The following SLCO1A2 variants were observed in gnomAD, a reference collection of about 807,000 sequenced individuals.
The protein encoded by SLCO1A2 is OATP-1.
Under a neutral mutation model 69.0 loss-of-function variants are expected in SLCO1A2, and 67 were observed. The observed-to-expected ratio is 0.97, with a 90% confidence interval of 0.80 to 1.19. SLCO1A2 has a LOEUF of 1.19. Ranked by LOEUF, SLCO1A2 falls within the 50% of genes most tolerant of loss-of-function variation. SLCO1A2 has a pLI of 0.00. For missense variants in SLCO1A2, 787 were observed against 793.7 expected (o/e 0.99, Z 0.10); for synonymous variants, 260 against 265.9 (o/e 0.98, Z 0.22).
intron 2 of SLCO1A2, among the ~76,000 whole-genome samples, chr12:21,366,361 G>C (rs1007867726): frequency 2.1e-5 from 3 of 143,946 alleles, no homozygotes; most frequent in African/African-American, 7.7e-5. Flanking sequence ...AGAACACAGG[G>C]ACACAGGGTG....
chr12:21,411,064 C>A (rs549857714), intron 1 of SLCO1A2, among the ~76,000 whole-genome samples: 3 of 151,918 alleles, frequency 2.0e-5, no homozygotes, highest in Non-Finnish European at 4.4e-5. Context: ...TTTTGATAAA[C>A]AAAAATTCTT....
intron 2 of SLCO1A2, among the ~76,000 whole-genome samples, chr12:21,363,742 A>C (rs560014488): frequency 4.6e-5 from 7 of 152,220 alleles, no homozygotes; most frequent in Middle Eastern, 3.2e-3. Flanking sequence ...AGAAATACAA[A>C]CTACTATCAG....
intron 2 of SLCO1A2, among the ~76,000 whole-genome samples, chr12:21,327,120 G>A (rs1952298941): frequency 6.6e-6 from 1 of 152,096 alleles, no homozygotes; most frequent in Admixed American, 6.6e-5. Flanking sequence ...GACCCAGAAG[G>A]AGCCAATGTA....
At position 21,304,519 on chromosome 12, in the gene SLCO1A2, A is replaced by G. The variant is rs779623149; in HGVS notation, c.497T>C (p.Ile166Thr). 9.9e-6 allele frequency: 16 copies of G among 1,613,344 alleles called. No individual in the cohort carries two copies. The Admixed American group carries it at 1.5e-4, about 15-fold the overall frequency. Residue 166 changes from isoleucine (I) to threonine (T), a missense_variant, in exon 6 of 15, where the codon ATT (isoleucine) becomes ACT (threonine). By Grantham distance (89) the Ile-to-Thr change is moderately conservative. Coordinates refer to ENST00000683939, the MANE Select transcript of SLCO1A2 (RefSeq NM_001386879.1). ...LMWVYVLVGN[I>T]VRGMGETPIL... ...GGGAGTTTCACCCATTCCACGTACA[A>G]TATTGCCTACTAGGACGTACACCCA...
At chr12:21,418,889 G>A (rs1368770065), upstream of SLCO1A2, among the ~76,000 whole-genome samples, 2 of 152,010 alleles carry the variant, frequency 1.3e-5, no homozygotes, top group African/African-American at 2.4e-5. Flanking sequence ...TATGGCCTGT[G>A]AACTAAGAAT....
At chr12:21,363,536 A>G (rs536773317) in intron 2 of SLCO1A2, among the ~76,000 whole-genome samples, 1 of 152,220 alleles carries the variant, frequency 6.6e-6, no homozygotes, top group African/African-American at 2.4e-5. Context: ...GGCAAGAAAT[A>G]ACTAAGATCA....
chr12:21,328,578 T>A (rs1952409082), intron 2 of SLCO1A2, among the ~76,000 whole-genome samples: 1 of 152,032 alleles, frequency 6.6e-6, no homozygotes, highest in Non-Finnish European at 1.5e-5. Context: ...GGATTGCCTG[T>A]TTTATGCAGT....
At chr12:21,306,752 G>A (rs1220247045) in intron 5 of SLCO1A2, 130 bp downstream of exon 5, 1 of 545,124 alleles carries the variant, frequency 1.8e-6, no homozygotes, top group Non-Finnish European at 3.3e-6. Flanking sequence ...AACTCCTTTG[G>A]AAGTTCCTGG....
chr12:21,396,725 C>T (rs1207966382), upstream of SLCO1A2, among the ~76,000 whole-genome samples: 1 of 152,090 alleles, frequency 6.6e-6, no homozygotes, highest in African/African-American at 2.4e-5. Flanking sequence ...ATTCAAATTT[C>T]TTAAAGAAAA....
chr12:21,272,184 G>A (rs1046278010), intron 14 of SLCO1A2, among the ~76,000 whole-genome samples: 3 of 151,630 alleles, frequency 2.0e-5, no homozygotes, highest in Middle Eastern at 6.8e-3. Flanking sequence ...ATAGGTGCTC[G>A]TATTTTGGTT....
At position 21,292,402 on chromosome 12, in the gene SLCO1A2, A is replaced by G; in HGVS notation, c.1438-66T>C. 9.8e-6 allele frequency: 13 copies of G among 1,320,790 alleles called. No individual in the cohort carries two copies. The South Asian group carries it at 1.6e-4, about 17-fold the overall frequency. 81.8% of individuals were successfully genotyped at this position (1,320,790 alleles called of 1,614,324 possible). On this transcript the variant is annotated intron_variant, in intron 11 of 14. Transcript: ENST00000683939. ...TGAACACAAATTTTAAACATTTTCT[A>G]CACAGCCAGTTGGATCAAGATGGAG...
At chr12:21,355,520 A>G (rs1305777664) in intron 2 of SLCO1A2, among the ~76,000 whole-genome samples, 1 of 152,152 alleles carries the variant, frequency 6.6e-6, no homozygotes, top group Non-Finnish European at 1.5e-5. Flanking sequence ...GGGAGACCTA[A>G]ACTTTGAGTC....
At chr12:21,307,425 G>A (rs557054635) in intron 4 of SLCO1A2, among the ~76,000 whole-genome samples, 7 of 152,206 alleles carry the variant, frequency 4.6e-5, no homozygotes, top group Admixed American at 2.6e-4. Flanking sequence ...CAAAAGAAGC[G>A]AAACCTCCAG....
rs916238395 is a variant in SLCO1A2, at chr12:21,267,856, C to G, written c.*1692G>C. ...AAGGAAGTGGCTCCAAATTTCATGT[C>G]ATCAGATCTTAATACGATATCTCAC... On this transcript the variant is annotated 3_prime_UTR_variant, in exon 15 of 15. Coordinates refer to ENST00000683939, the MANE Select transcript of SLCO1A2 (RefSeq NM_001386879.1). 9.9e-5 allele frequency: 15 copies of G among 152,088 alleles called. No individual in the cohort carries two copies. The highest frequency in any genetic ancestry group is 3.6e-4 in the African/African-American group (15 of 41,438). 9.4% of individuals were successfully genotyped at this position (152,088 alleles called of 1,614,324 possible).
At chr12:21,335,141 G>A (rs61364007), upstream of SLCO1A2, among the ~76,000 whole-genome samples, 4,131 of 151,878 alleles carry the variant, frequency 0.027, 84 homozygotes, top group Non-Finnish European at 0.033. Flanking sequence ...TCTTTTTTTG[G>A]CCAGGCTCTC....
chr12:21,403,219 A>T (rs918729602), intron 1 of SLCO1A2, among the ~76,000 whole-genome samples: 1 of 152,144 alleles, frequency 6.6e-6, no homozygotes, highest in African/African-American at 2.4e-5. Context: ...ATGCATAAAC[A>T]AACAATATTA....
intron 2 of SLCO1A2, among the ~76,000 whole-genome samples, chr12:21,369,949 G>A (rs183907761): frequency 5.9e-5 from 9 of 152,278 alleles, no homozygotes; most frequent in Admixed American, 5.9e-4. Context: ...TGGGATAGAT[G>A]TTGATTTTAC....
intron 10 of SLCO1A2, chr12:21,294,999 G>A (rs898644678): frequency 1.5e-4 from 23 of 152,014 alleles, no homozygotes; most frequent in Non-Finnish European, 3.1e-4. Flanking sequence ...GTCAAAATAC[G>A]CCCTACAGGT....
At chr12:21,310,453 G>A (rs1467662843) in intron 4 of SLCO1A2, among the ~76,000 whole-genome samples, 2 of 152,224 alleles carry the variant, frequency 1.3e-5, no homozygotes, top group East Asian at 1.9e-4. Flanking sequence ...TAGCCTCCAC[G>A]CTGATGGCTG....
Sources: allele counts gnomAD v4.1 joint callset (sites outside exome capture counted in the v4.1 genomes callset), GRCh38; gene constraint gnomAD v4.1.1; transcripts MANE v1.5; gene names NCBI Gene and HGNC (gene_info 2026-07-23, HGNC 2026-07-21).